The following PRDM6 variants were observed in gnomAD, a reference collection of about 807,000 sequenced individuals.
PRDM6 encodes putative histone-lysine N-methyltransferase PRDM6.
In PRDM6, 25 loss-of-function variants were observed where a neutral mutation model predicts 60.8. The observed-to-expected ratio is 0.41, with a 90% CI of 0.30 to 0.57. The LOEUF is 0.57. Among genes scored for constraint, PRDM6 ranks in the 20% least tolerant of loss-of-function variants. The pLI is 0.27. For synonymous variants in PRDM6, 407 were observed against 357.4 expected (o/e 1.14, Z -1.57); for missense variants, 839 against 821.3 (o/e 1.02, Z -0.26).
At chr5:123,156,832 A>G (rs987075879) in intron 4 of PRDM6, among the ~76,000 whole-genome samples, 3 of 152,184 alleles carry the variant, frequency 2.0e-5, no homozygotes, top group Admixed American at 1.3e-4. Flanking sequence ...TGGAGATGAG[A>G]GGGCAAAAAC....
At chr5:123,151,768 TC>T (rs1368662175) in intron 3 of PRDM6, among the ~76,000 whole-genome samples, 5 of 151,962 alleles carry the variant, frequency 3.3e-5, no homozygotes, top group Non-Finnish European at 1.5e-5. Flanking sequence ...TCACACAGGG[TC>T]CCCCAGCTCA....
chr5:123,167,122 C>T (rs1383355393), intron 5 of PRDM6, among the ~76,000 whole-genome samples: 1 of 152,088 alleles, frequency 6.6e-6, no homozygotes, highest in Non-Finnish European at 1.5e-5. Flanking sequence ...CCTAAAAGTG[C>T]TGCTTTAAAT....
chr5:123,138,803 AG>A (rs1198840495), intron 3 of PRDM6, among the ~76,000 whole-genome samples: 7 of 152,206 alleles, frequency 4.6e-5, no homozygotes, highest in African/African-American at 7.2e-5. Flanking sequence ...ACCTGGTCTA[AG>A]GAGAGAAGCA....
intron 2 of PRDM6, among the ~76,000 whole-genome samples, chr5:123,097,643 A>G (rs73796825): frequency 0.031 from 4,665 of 151,430 alleles, 206 homozygotes; most frequent in African/African-American, 0.1. Flanking sequence ...TTCACAATCA[A>G]TAAGCTTGAG....
At chr5:123,179,410 T>G (rs1399522836) in intron 6 of PRDM6, among the ~76,000 whole-genome samples, 1 of 152,150 alleles carries the variant, frequency 6.6e-6, no homozygotes, top group African/African-American at 2.4e-5. Context: ...TGGATAAATA[T>G]TTGGAGGAGG....
In PRDM6 at chr5:123,180,560, C is replaced by T. The variant is rs530013336; in HGVS notation, c.1673+237C>T. 3.9e-5 allele frequency among the ~76,000 whole-genome samples: 6 copies of T among 152,328 alleles called. No homozygotes were observed. The South Asian group carries it at 1.2e-3, about 32-fold the overall frequency. On this transcript the variant is annotated intron_variant, in intron 7 of 7. Coordinates refer to ENST00000407847, the MANE Select transcript of PRDM6 (RefSeq NM_001136239.4). ...CAACCTTGGTCGTGAGACAAATCTT[C>T]TGGGTCTGTTTTCTCATCATTAAAA...
chr5:123,179,208 C>G (rs1002691618), intron 6 of PRDM6, among the ~76,000 whole-genome samples: 1 of 152,144 alleles, frequency 6.6e-6, no homozygotes, highest in Admixed American at 6.5e-5. Flanking sequence ...ATTTACTTCT[C>G]GTGAGCTGGG....
chr5:123,125,299 T>C (rs955859982), intron 3 of PRDM6, among the ~76,000 whole-genome samples: 2 of 152,172 alleles, frequency 1.3e-5, no homozygotes, highest in African/African-American at 2.4e-5. Flanking sequence ...TGACTCATAG[T>C]CTGTTTGTTG....
At chr5:123,127,095 T>G (rs1764709821) in intron 3 of PRDM6, among the ~76,000 whole-genome samples, 1 of 151,860 alleles carries the variant, frequency 6.6e-6, no homozygotes, top group South Asian at 2.1e-4. Flanking sequence ...TGGAGTGCAG[T>G]GGTGTGATCT....
At chr5:123,142,686 A>G (rs891266727) in intron 3 of PRDM6, among the ~76,000 whole-genome samples, 1 of 152,100 alleles carries the variant, frequency 6.6e-6, no homozygotes, top group African/African-American at 2.4e-5. Flanking sequence ...AATATTGAGC[A>G]GCCCAGTGTA....
chr5:123,141,534 A>ACT (rs781124844), intron 3 of PRDM6, among the ~76,000 whole-genome samples: 8 of 151,908 alleles, frequency 5.3e-5, no homozygotes, highest in Non-Finnish European at 8.8e-5. Context: ...TTTTTTGCTT[A>ACT]CTCTATAGAG....
intron 3 of PRDM6, among the ~76,000 whole-genome samples, chr5:123,102,844 G>A (rs1764133999): frequency 6.6e-6 from 1 of 152,036 alleles, no homozygotes; most frequent in Admixed American, 6.5e-5. Flanking sequence ...TTTCCAAGTA[G>A]ATGATGGATT....
chr5:123,166,504 G>A (rs902011339), intron 5 of PRDM6, among the ~76,000 whole-genome samples: 15 of 151,890 alleles, frequency 9.9e-5, no homozygotes, highest in African/African-American at 3.6e-4. Context: ...TGCAATTAAT[G>A]GTGACTTACG....
chr5:123,165,361 C>T (rs1445120611), intron 5 of PRDM6, among the ~76,000 whole-genome samples: 1 of 152,198 alleles, frequency 6.6e-6, no homozygotes, highest in Non-Finnish European at 1.5e-5. Context: ...TCTTGCTCAC[C>T]CTTCTATCCA....
chr5:123,170,480 A>T, intron 5 of PRDM6, among the ~76,000 whole-genome samples: 1 of 152,180 alleles, frequency 6.6e-6, no homozygotes, highest in Admixed American at 6.5e-5. Flanking sequence ...TGTGGTGCTC[A>T]CTATGGACTC....
chr5:123,175,945 G>A (rs985654010), intron 6 of PRDM6, among the ~76,000 whole-genome samples: 3 of 152,126 alleles, frequency 2.0e-5, no homozygotes, highest in Non-Finnish European at 4.4e-5. Flanking sequence ...TTGTCTCTCT[G>A]CCTTCTTTCT....
rs74354350 is a variant in PRDM6, at chr5:123,187,176, G to C, written c.1763G>C (p.Ser588Thr). 7.1e-6 allele frequency: 11 copies of C among 1,551,200 alleles called. No homozygotes were observed. The African/African-American group carries it at 8.2e-5, about 12-fold the overall frequency. ...AATGAGTGCAAGCCAATAACTGAGA[G>C]CCCAGAATCAATCGAAGTGGATTAA... The part of the protein sequence containing the change: ...MPNECKPITE[S>T]PESIEVD Residue 588 changes from serine (S) to threonine (T), a missense_variant, in exon 8 of 8, where the codon AGC (serine) becomes ACC (threonine). Around this residue, in one of 2 missense-constraint regions of PRDM6, gnomAD observed 109 missense variants for 172.6 expected, o/e 0.63. Coordinates refer to ENST00000407847, the MANE Select transcript of PRDM6 (RefSeq NM_001136239.4).
intron 4 of PRDM6, 59 bp downstream of exon 4, chr5:123,156,070 A>C: frequency 2.0e-6 from 3 of 1,476,442 alleles, no homozygotes; most frequent in Non-Finnish European, 2.7e-6. Flanking sequence ...TGCATATACA[A>C]ATTCAGGCTT....
rs573168849 is a variant in PRDM6, at chr5:123,158,529, C to A, written c.1029-985C>A. On this transcript the variant is annotated intron_variant, in intron 4 of 7. Coordinates refer to ENST00000407847, the MANE Select transcript of PRDM6 (RefSeq NM_001136239.4). ...AATGAAATTTTTGCAGCTGCAAGTA[C>A]AATATTGAGAATCTGCACTTTTTTA... 1.1e-4 allele frequency among the ~76,000 whole-genome samples: 17 copies of A among 152,290 alleles called. No individual in the cohort carries two copies. In the South Asian group the frequency reaches 2.5e-3, roughly 22 times the overall value.
Sources: allele counts gnomAD v4.1 joint callset (sites outside exome capture counted in the v4.1 genomes callset), GRCh38; gene constraint gnomAD v4.1.1; regional missense constraint gnomAD v4.1.1; transcripts MANE v1.5; gene names NCBI Gene and HGNC (gene_info 2026-07-23, HGNC 2026-07-21).